The following NUP85 variants were observed in gnomAD, a reference collection of about 807,000 sequenced individuals.
NUP85 encodes nucleoporin 85, also known as nuclear pore complex protein Nup85.
NUP85 carries 23 observed loss-of-function variants against 92.8 expected under a neutral mutation model. The ratio of observed to expected loss-of-function variants is 0.25; its 90% CI spans 0.18 to 0.35. NUP85 has a LOEUF of 0.35. Among genes scored for constraint, NUP85 ranks in the 10% least tolerant of loss-of-function variants. The probability of loss-of-function intolerance (pLI) is 1.00; values close to 1 mark genes in which losing one functional copy is unlikely to be tolerated. For synonymous variants in NUP85, 314 were observed against 306.9 expected (o/e 1.02, Z -0.24); for missense variants, 759 against 822.8 (o/e 0.92, Z 0.95).
rs528682173 is a variant in NUP85 at position 75,225,885 on chromosome 17, T to G, written c.987+56T>G. The G allele has an allele frequency of 1.8e-4, 288 of 1,608,606 alleles. 1 individual carries two copies. Among genetic ancestry groups the G allele is most frequent in the Non-Finnish European group, 2.3e-4 (268 of 1,176,632 alleles). On this transcript the variant is annotated intron_variant, in intron 10 of 18. Coordinates refer to ENST00000245544, the MANE Select transcript of NUP85 (RefSeq NM_024844.5). ...GGTAGGAGTCCTGGGGGCGCCCTGA[T>G]GGGTCATTCTCTTTGAATTCCTCCC...
chr17:75,219,575 T>C (rs186392275), intron 7 of NUP85, among the ~76,000 whole-genome samples: 1 of 152,314 alleles, frequency 6.6e-6, no homozygotes, highest in African/African-American at 2.4e-5. Flanking sequence ...TTCCTGGTCA[T>C]TCACTGAGTA....
intron 4 of NUP85, among the ~76,000 whole-genome samples, 188 bp downstream of exon 4, chr17:75,212,250 T>TTGTTG (rs1568069684): frequency 8.2e-4 from 2 of 2,442 alleles, no homozygotes; most frequent in African/African-American, 1.1e-3. Context: ...TGTTGTTGTT[T>TTGTTG]TTTTTTTTTT....
intron 2 of NUP85, among the ~76,000 whole-genome samples, chr17:75,209,149 C>T (rs1392189473): frequency 6.6e-6 from 1 of 151,810 alleles, no homozygotes; most frequent in Non-Finnish European, 1.5e-5. Context: ...TTTCTTTGTC[C>T]AAAGTGACCA....
In NUP85 at chr17:75,232,882, A is replaced by G; in HGVS notation, c.1428A>G (p.Lys476=). The G allele has an allele frequency of 6.2e-7, 1 of 1,614,210 alleles. No homozygotes were observed. Among genetic ancestry groups the G allele is most frequent in the South Asian group, 1.1e-5 (1 of 91,082 alleles). Reference sequence around the variant, plus strand: ...GCATTTGTAAGATCTTAGCCATGAAAGCCGTCCGCAACAATCGCCTGGGTT... The same window carrying G: ...GCATTTGTAAGATCTTAGCCATGAAGGCCGTCCGCAACAATCGCCTGGGTT... ...VRSICKILAM[K]AVRNNRLGSA... Residue 476 remains lysine (K), a synonymous_variant, in exon 15 of 19, where the codon AAA becomes AAG. Coordinates refer to ENST00000245544, the MANE Select transcript of NUP85 (RefSeq NM_024844.5).
At chr17:75,209,211 A>G (rs1163503627) in intron 2 of NUP85, among the ~76,000 whole-genome samples, 1 of 152,052 alleles carries the variant, frequency 6.6e-6, no homozygotes. Flanking sequence ...CTTGGCCGTC[A>G]CTTTTGTGTC....
At chr17:75,233,407 T>TTC (rs1316784840) in intron 16 of NUP85, among the ~76,000 whole-genome samples, 53 of 132,860 alleles carry the variant, frequency 4.0e-4, no homozygotes, top group African/African-American at 9.7e-4. Context: ...CTCTTTCTCT[T>TTC]TCTTTCTTTC....
chr17:75,213,188 C>T, intron 5 of NUP85, 69 bp downstream of exon 5: 1 of 1,406,204 alleles, frequency 7.1e-7, no homozygotes, highest in South Asian at 1.2e-5. Flanking sequence ...CCTGGGGTGG[C>T]TTTGCAGTTC....
chr17:75,215,064 G>A (rs1431160466), intron 5 of NUP85, among the ~76,000 whole-genome samples: 1 of 152,040 alleles, frequency 6.6e-6, no homozygotes, highest in Non-Finnish European at 1.5e-5. Flanking sequence ...CCAGCTACTG[G>A]GGAGGCTGAG....
chr17:75,219,896 T>TA (rs2075546374), intron 7 of NUP85, among the ~76,000 whole-genome samples: 1 of 151,800 alleles, frequency 6.6e-6, no homozygotes, highest in Non-Finnish European at 1.5e-5. Flanking sequence ...TGCTGTGTTC[T>TA]AGAGCCAGGG....
intron 4 of NUP85, among the ~76,000 whole-genome samples, chr17:75,212,803 G>C (rs539350108): frequency 5.7e-4 from 86 of 152,018 alleles, no homozygotes; most frequent in African/African-American, 2.1e-3. Context: ...TTACAGGTGT[G>C]AGCCACTGTG....
chr17:75,222,161 A>C (rs3886500), intron 7 of NUP85, among the ~76,000 whole-genome samples: 139,122 of 152,114 alleles, frequency 0.91, 64,601 homozygotes, highest in Non-Finnish European at 1. Context: ...CTCCCCTCCT[A>C]AGCCTCCCAA....
intron 14 of NUP85, among the ~76,000 whole-genome samples, chr17:75,232,563 GAGA>G (rs1234563580): frequency 6.6e-6 from 1 of 152,006 alleles, no homozygotes; most frequent in East Asian, 1.9e-4. Flanking sequence ...AACACGTAGG[GAGA>G]AAAAAAATAG....
intron 11 of NUP85, among the ~76,000 whole-genome samples, chr17:75,227,633 G>A (rs552120416): frequency 4.0e-4 from 61 of 150,634 alleles, no homozygotes; most frequent in African/African-American, 1.3e-3. Context: ...GAGCCACCGC[G>A]CCCTGCCAAG....
chr17:75,228,792 C>T (rs2075926014), intron 11 of NUP85: 1 of 985,406 alleles, frequency 1.0e-6, no homozygotes, highest in Middle Eastern at 5.2e-4. Flanking sequence ...CTGATTTACT[C>T]CTATGTCAAT....
Position 75,231,462 on chromosome 17 carries a change from A to G in NUP85, c.1178+39A>G, listed in dbSNP as rs1200778638. The G allele has an allele frequency of 1.2e-6, 2 of 1,611,802 alleles. No individual in the cohort carries two copies. The highest frequency in any genetic ancestry group is 1.7e-6 in the Non-Finnish European group (2 of 1,178,044). On this transcript the variant is annotated intron_variant, in intron 12 of 18. Coordinates refer to ENST00000245544, the MANE Select transcript of NUP85 (RefSeq NM_024844.5). This position sits in a 1 kb window ranked among gnomAD's most constrained non-coding sequence, Gnocchi z 4.6. ...AGGCACCGATCCTCCTCTTCTTACC[A>G]CCAGGCCCCCGAGGGTGGTGTGAAC...
At chr17:75,214,473 C>A (rs2075367987) in intron 5 of NUP85, among the ~76,000 whole-genome samples, 1 of 152,186 alleles carries the variant, frequency 6.6e-6, no homozygotes, top group Non-Finnish European at 1.5e-5. Context: ...ACAATTCTTG[C>A]TCTGTCTACG....
intron 7 of NUP85, among the ~76,000 whole-genome samples, chr17:75,220,203 C>T (rs916131107): frequency 6.6e-6 from 1 of 151,954 alleles, no homozygotes; most frequent in Non-Finnish European, 1.5e-5. Flanking sequence ...CAGCTCACTG[C>T]GACCTCTGCC....
intron 2 of NUP85, 25 bp from the exon 3 acceptor site, chr17:75,209,798 A>AT (rs751052920): frequency 2.9e-3 from 4,167 of 1,442,844 alleles, no homozygotes; most frequent in Admixed American, 4.6e-3. Context: ...TAGATGTTAA[A>AT]TTTTTTTTTT....
At chr17:75,213,306 A>G (rs918640466) in intron 5 of NUP85, among the ~76,000 whole-genome samples, 187 bp downstream of exon 5, 2 of 150,692 alleles carry the variant, frequency 1.3e-5, no homozygotes, top group Non-Finnish European at 2.9e-5. Context: ...TGCTTGTTAA[A>G]TACTTGAGTG....
Sources: allele counts gnomAD v4.1 joint callset (sites outside exome capture counted in the v4.1 genomes callset), GRCh38; gene constraint gnomAD v4.1.1; non-coding constraint Gnocchi (gnomAD v3.1); transcripts MANE v1.5; gene names NCBI Gene and HGNC (gene_info 2026-07-23, HGNC 2026-07-21).